The following PEX14 variants were observed in gnomAD, a reference collection of about 807,000 sequenced individuals.
The protein encoded by PEX14 is peroxisomal membrane protein PEX14.
A neutral mutation model predicts 49.5 loss-of-function variants in PEX14; 15 were observed. That is an observed-to-expected ratio of 0.30 (90% CI 0.20 to 0.47). The LOEUF (loss-of-function observed/expected upper bound fraction) is 0.47. Among genes scored for constraint, PEX14 ranks in the 20% least tolerant of loss-of-function variants. The probability of loss-of-function intolerance (pLI) is 1.00; values close to 1 mark genes in which losing one functional copy is unlikely to be tolerated. For missense variants in PEX14, 398 were observed against 494.8 expected (o/e 0.80, Z 1.86); for synonymous variants, 210 against 212.7 (o/e 0.99, Z 0.11).
intron 2 of PEX14, among the ~76,000 whole-genome samples, chr1:10,501,065 T>A (rs1469286173): frequency 6.6e-6 from 1 of 152,228 alleles, no homozygotes; most frequent in East Asian, 1.9e-4. Context: ...TTTAGGGATT[T>A]CAGGAACTTG....
In PEX14 at chr1:10,546,878, C is replaced by A. The variant is rs12125680; in HGVS notation, c.169+10581C>A. On this transcript the variant is annotated intron_variant, in intron 3 of 8. Transcript: ENST00000356607. ...AGTGAGACTCCATCTCAAAAAAAAA[C>A]AAAAAACGAACAACTACAACAACAG... is the stretch of plus-strand genomic sequence containing the variant. Among the ~76,000 whole-genome samples, 849 of 151,702 alleles carry A rather than the reference C, an allele frequency of 5.6e-3. 6 individuals are homozygous for A. The highest frequency in any genetic ancestry group is 0.019 in the African/African-American group (796 of 41,348).
rs74052147 is a variant in PEX14 at position 10,583,913 on chromosome 1, G to A, written c.170-15325G>A. The stretch of plus-strand genomic sequence containing the variant: ...GGCCAGGTGGATAGCAGTGAGACAC[G>A]AGGTCACAGCATTCACAGGGAGTAA... On this transcript the variant is annotated intron_variant, in intron 3 of 8. Coordinates refer to ENST00000356607, the MANE Select transcript of PEX14 (RefSeq NM_004565.3). Among the ~76,000 whole-genome samples, 1,036 of 151,762 alleles carry A rather than the reference G, an allele frequency of 6.8e-3. 14 individuals carry two copies. Among genetic ancestry groups the A allele is most frequent in the African/African-American group, 0.023 (964 of 41,524 alleles).
At chr1:10,510,292 T>G (rs1459844097) in intron 2 of PEX14, among the ~76,000 whole-genome samples, 2 of 152,254 alleles carry the variant, frequency 1.3e-5, no homozygotes, top group African/African-American at 4.8e-5. Flanking sequence ...TGTTTGTATT[T>G]TCCTTTGAGG....
At chr1:10,538,160 A>G (rs553415269) in intron 3 of PEX14, among the ~76,000 whole-genome samples, 1 of 152,342 alleles carries the variant, frequency 6.6e-6, no homozygotes, top group Admixed American at 6.5e-5. Flanking sequence ...TCAGATGCCG[A>G]GCGCCATGGA....
At chr1:10,507,813 T>A (rs932310266) in intron 2 of PEX14, among the ~76,000 whole-genome samples, 1 of 152,218 alleles carries the variant, frequency 6.6e-6, no homozygotes, top group Admixed American at 6.5e-5. Flanking sequence ...GGTAAATCCT[T>A]TATCTGTGTT....
At chr1:10,598,956 G>C (rs1409006029) in intron 3 of PEX14, among the ~76,000 whole-genome samples, 2 of 151,996 alleles carry the variant, frequency 1.3e-5, no homozygotes, top group African/African-American at 2.4e-5. Flanking sequence ...GGGAAGAATG[G>C]AGAATTGCAG....
chr1:10,598,284 G>A (rs1302257719), intron 3 of PEX14, among the ~76,000 whole-genome samples: 3 of 152,154 alleles, frequency 2.0e-5, no homozygotes, highest in Non-Finnish European at 4.4e-5. Context: ...AGCTGGCCCC[G>A]TGTGACCGCT....
chr1:10,563,769 G>A (rs997653605), intron 3 of PEX14, among the ~76,000 whole-genome samples: 10 of 151,930 alleles, frequency 6.6e-5, no homozygotes, highest in African/African-American at 9.7e-5. Context: ...AAAATTAGCC[G>A]GGCATGGTGG....
chr1:10,594,155 G>T (rs1395025844), intron 3 of PEX14, among the ~76,000 whole-genome samples: 1 of 152,162 alleles, frequency 6.6e-6, no homozygotes, highest in Admixed American at 6.5e-5. Context: ...GTACTCTACT[G>T]TTCCAACAAA....
chr1:10,522,942 A>G (rs1638348206), intron 2 of PEX14, among the ~76,000 whole-genome samples: 1 of 152,216 alleles, frequency 6.6e-6, no homozygotes, highest in Admixed American at 6.5e-5. Flanking sequence ...GTCATTTTAG[A>G]TGAACGTGTT....
intron 4 of PEX14, among the ~76,000 whole-genome samples, chr1:10,610,704 C>T (rs534514520): frequency 6.6e-5 from 10 of 152,190 alleles, no homozygotes; most frequent in Non-Finnish European, 1.2e-4. Context: ...AGGCTGGTCT[C>T]GAACTCCTGA....
chr1:10,509,114 A>AT lies in PEX14; in HGVS notation c.84+13802dup, dbSNP rs775490183. On this transcript the variant is annotated intron_variant, in intron 2 of 8. Transcript: ENST00000356607. ...GCCACGTCCGGCTAATTTTTTTGTA[A>AT]TTTTTTTTTGTTGTTAGTAGAGATG... 4.9e-3 allele frequency among the ~76,000 whole-genome samples: 744 copies of AT among 151,038 alleles called. 3 individuals carry two copies. Among genetic ancestry groups the AT allele is most frequent in the Non-Finnish European group, 8.9e-3 (601 of 67,700 alleles).
chr1:10,627,575 C>G (rs568985957), intron 8 of PEX14, among the ~76,000 whole-genome samples: 1 of 152,184 alleles, frequency 6.6e-6, no homozygotes, highest in Non-Finnish European at 1.5e-5. Flanking sequence ...CTGTGGCACA[C>G]AAGTTTTGAA....
intron 3 of PEX14, among the ~76,000 whole-genome samples, chr1:10,537,710 G>C (rs1489481303): frequency 6.6e-6 from 1 of 152,118 alleles, no homozygotes; most frequent in Non-Finnish European, 1.5e-5. Flanking sequence ...ATTTGCAGAA[G>C]GTATTTAGAG....
Position 10,494,730 on chromosome 1 carries a change from T to G in PEX14, c.37-544T>G, listed in dbSNP as rs1396622788. ...TACTATTGTGGGGTGGTGTCCTTAG[T>G]GGCAGGTGATGAATAGGAACCTGTG... is the stretch of plus-strand genomic sequence containing the variant. On this transcript the variant is annotated intron_variant, in intron 1 of 8. Transcript: ENST00000356607. The surrounding 1 kb of genome is among the most constrained non-coding windows in gnomAD (Gnocchi z 4.3). Among the ~76,000 whole-genome samples the G allele has an allele frequency of 1.3e-5, 2 of 152,164 alleles. No homozygotes were observed. The highest frequency in any genetic ancestry group is 2.9e-5 in the Non-Finnish European group (2 of 68,038).
chr1:10,563,483 T>C (rs1244324475), intron 3 of PEX14, among the ~76,000 whole-genome samples: 2 of 152,010 alleles, frequency 1.3e-5, no homozygotes, highest in South Asian at 2.1e-4. Flanking sequence ...GCCAGGCATG[T>C]GCTGGGCATA....
chr1:10,554,679 A>G (rs543303578), intron 3 of PEX14, among the ~76,000 whole-genome samples: 6 of 151,886 alleles, frequency 4.0e-5, no homozygotes, highest in African/African-American at 1.4e-4. Flanking sequence ...GTAAATTATG[A>G]TCCACAGCTT....
chr1:10,622,028 C>G (rs1239608913), intron 5 of PEX14, among the ~76,000 whole-genome samples: 1 of 152,160 alleles, frequency 6.6e-6, no homozygotes, highest in Non-Finnish European at 1.5e-5. Flanking sequence ...TCACTCCTCA[C>G]CTGGGGGGCT....
chr1:10,589,887 A>G (rs1269416538), intron 3 of PEX14, among the ~76,000 whole-genome samples: 2 of 152,232 alleles, frequency 1.3e-5, no homozygotes, highest in African/African-American at 4.8e-5. Context: ...CTTGTTTAAA[A>G]GCAGTTTTTA....
Sources: allele counts gnomAD v4.1 joint callset (sites outside exome capture counted in the v4.1 genomes callset), GRCh38; gene constraint gnomAD v4.1.1; non-coding constraint Gnocchi (gnomAD v3.1); transcripts MANE v1.5; gene names NCBI Gene and HGNC (gene_info 2026-07-23, HGNC 2026-07-21).